PRMT3: variants seen among roughly 807,000 people sequenced by gnomAD.
PRMT3 encodes protein arginine N-methyltransferase 3.
Under a neutral mutation model 71.9 loss-of-function variants are expected in PRMT3, and 62 were observed. The ratio of observed to expected loss-of-function variants is 0.86; its 90% confidence interval spans 0.70 to 1.07. The LOEUF (loss-of-function observed/expected upper bound fraction) is 1.07, where lower values mean the gene tolerates loss of function less well. Ranked by LOEUF, PRMT3 falls within the 50% of genes least tolerant of loss-of-function variation. The probability of loss-of-function intolerance (pLI) is 0.00; values close to 1 mark genes in which losing one functional copy is unlikely to be tolerated. For missense variants in PRMT3, 663 were observed against 643.0 expected, an observed-to-expected ratio of 1.03 and a Z score of -0.34; for synonymous variants, 213 against 220.4, an observed-to-expected ratio of 0.97 and a Z score of 0.30.
chr11:20,503,389 A>G lies in PRMT3; in HGVS notation c.1487-4915A>G, dbSNP rs554175137. ...TAAACAAATAATTTACATATAATCA[A>G]AATTCACACATTTTGATTGTACAGC... On this transcript the variant is annotated intron_variant, in intron 15 of 15. Transcript: ENST00000331079. 2.0e-5 allele frequency among the ~76,000 whole-genome samples: 3 copies of G among 152,270 alleles called. No individual in the cohort carries two copies. In the East Asian group the frequency reaches 5.8e-4, roughly 29 times the overall value.
intron 2 of PRMT3, among the ~76,000 whole-genome samples, 158 bp from the exon 3 acceptor site, chr11:20,389,586 C>T (rs1287040310): frequency 6.6e-6 from 1 of 151,816 alleles, no homozygotes; most frequent in Non-Finnish European, 1.5e-5. Context: ...TGCTGGATTC[C>T]CTTCCTTTCA....
chr11:20,445,906 A>G (rs1850016915), intron 10 of PRMT3, among the ~76,000 whole-genome samples: 2 of 152,128 alleles, frequency 1.3e-5, no homozygotes. Flanking sequence ...GCCTATAAGG[A>G]TAATTTATTT....
chr11:20,426,692 G>C, intron 9 of PRMT3, 74 bp from the exon 10 acceptor site: 5 of 1,316,438 alleles, frequency 3.8e-6, no homozygotes, highest in Non-Finnish European at 4.9e-6. Context: ...ACGAGTTGTT[G>C]GCAAAAAATT....
intron 7 of PRMT3, among the ~76,000 whole-genome samples, chr11:20,401,571 T>C (rs1410543015): frequency 6.6e-6 from 1 of 152,242 alleles, no homozygotes; most frequent in Middle Eastern, 3.4e-3. Context: ...GGCATAAAAA[T>C]GTATTGGGGG....
At chr11:20,439,583 T>G (rs1283450395) in intron 10 of PRMT3, among the ~76,000 whole-genome samples, 1 of 152,240 alleles carries the variant, frequency 6.6e-6, no homozygotes, top group Admixed American at 6.5e-5. Context: ...AATTTTAATG[T>G]ACATTGCAGT....
At chr11:20,452,529 C>T (rs1015857242) in intron 11 of PRMT3, among the ~76,000 whole-genome samples, 3 of 151,964 alleles carry the variant, frequency 2.0e-5, no homozygotes, top group South Asian at 4.2e-4. Flanking sequence ...TATTTTTAAT[C>T]CTCATGTCAT....
chr11:20,507,101 G>C (rs1033068551), intron 15 of PRMT3, among the ~76,000 whole-genome samples: 1 of 152,198 alleles, frequency 6.6e-6, no homozygotes, highest in Non-Finnish European at 1.5e-5. Flanking sequence ...CTGTGTATGT[G>C]TTTTCCTTAA....
At chr11:20,411,489 A>G (rs1210537640) in intron 9 of PRMT3, among the ~76,000 whole-genome samples, 5 of 152,128 alleles carry the variant, frequency 3.3e-5, no homozygotes, top group Admixed American at 1.3e-4. Flanking sequence ...GCTCCAAAGT[A>G]TATCTAGAAT....
intron 13 of PRMT3, among the ~76,000 whole-genome samples, chr11:20,476,092 G>A (rs1052257368): frequency 6.6e-6 from 1 of 151,292 alleles, no homozygotes; most frequent in African/African-American, 2.4e-5. Flanking sequence ...GCTCATGCCT[G>A]TAATTCTAGC....
intron 9 of PRMT3, among the ~76,000 whole-genome samples, chr11:20,413,652 T>C (rs138616442): frequency 5.9e-5 from 9 of 152,274 alleles, no homozygotes; most frequent in Admixed American, 2.6e-4. Context: ...GTTTCTAAGA[T>C]GGACATTTAT....
At chr11:20,455,021 G>A (rs2133391385) in intron 11 of PRMT3, among the ~76,000 whole-genome samples, 1 of 152,190 alleles carries the variant, frequency 6.6e-6, no homozygotes, top group Non-Finnish European at 1.5e-5. Context: ...AGGTTTACTA[G>A]CAACGATTTC....
intron 9 of PRMT3, among the ~76,000 whole-genome samples, chr11:20,411,937 A>G (rs7479049): frequency 0.78 from 119,030 of 152,082 alleles, 49,250 homozygotes; most frequent in Non-Finnish European, 0.93. Context: ...AACAAATTGT[A>G]TCCACATAAG....
intron 9 of PRMT3, among the ~76,000 whole-genome samples, chr11:20,412,335 T>G (rs1209501689): frequency 6.6e-6 from 1 of 152,160 alleles, no homozygotes; most frequent in Non-Finnish European, 1.5e-5. Flanking sequence ...CAGATCCATT[T>G]TGCAAAAATA....
At chr11:20,489,594 C>A (rs1053530964) in intron 13 of PRMT3, among the ~76,000 whole-genome samples, 1 of 151,838 alleles carries the variant, frequency 6.6e-6, no homozygotes, top group African/African-American at 2.4e-5. Context: ...GCAAGGTGGC[C>A]AAACTGTAAT....
intron 11 of PRMT3, among the ~76,000 whole-genome samples, chr11:20,454,689 C>G (rs1850229118): frequency 6.6e-6 from 1 of 152,016 alleles, no homozygotes; most frequent in African/African-American, 2.4e-5. Context: ...GCAAAGTTTT[C>G]CTTTCTGTTT....
chr11:20,418,762 GA>G (rs879394293), intron 9 of PRMT3, among the ~76,000 whole-genome samples: 15 of 145,530 alleles, frequency 1.0e-4, no homozygotes, highest in South Asian at 2.2e-4. Flanking sequence ...ATACCCTTTT[GA>G]AAAAAAAAAC....
intron 13 of PRMT3, among the ~76,000 whole-genome samples, chr11:20,482,945 T>C (rs562417902): frequency 2.0e-5 from 3 of 152,222 alleles, no homozygotes; most frequent in Non-Finnish European, 4.4e-5. Flanking sequence ...TCCCACTCTA[T>C]ATATCAGGTA....
At chr11:20,459,038 A>G (rs889120398) in intron 11 of PRMT3, among the ~76,000 whole-genome samples, 6 of 152,118 alleles carry the variant, frequency 3.9e-5, no homozygotes, top group African/African-American at 1.4e-4. Context: ...TATAGGCCAT[A>G]TAGCCTCTGT....
intron 13 of PRMT3, among the ~76,000 whole-genome samples, chr11:20,492,388 G>A (rs1039156357): frequency 2.0e-5 from 3 of 152,118 alleles, no homozygotes; most frequent in African/African-American, 7.2e-5. Flanking sequence ...GATAATCTGT[G>A]GCTGAGTACT....
Sources: allele counts gnomAD v4.1 joint callset (sites outside exome capture counted in the v4.1 genomes callset), GRCh38; gene constraint gnomAD v4.1.1; transcripts MANE v1.5; gene names NCBI Gene and HGNC (gene_info 2026-07-23, HGNC 2026-07-21).